The following ECH1 variants were observed in gnomAD, a reference collection of about 807,000 sequenced individuals.
ECH1 encodes delta(3,5)-Delta(2,4)-dienoyl-CoA isomerase, mitochondrial.
In ECH1, 30 loss-of-function variants were observed where a neutral mutation model predicts 37.0. The ratio of observed to expected loss-of-function variants is 0.81; its 90% CI spans 0.61 to 1.10. ECH1 has a LOEUF of 1.10. Ranked by LOEUF, ECH1 falls within the 50% of genes least tolerant of loss-of-function variation. The probability of loss-of-function intolerance (pLI) is 0.00; values close to 1 mark genes in which losing one functional copy is unlikely to be tolerated. For synonymous variants in ECH1, 178 were observed against 176.0 expected (o/e 1.01, Z -0.09); for missense variants, 456 against 441.6 (o/e 1.03, Z -0.29).
intron 3 of ECH1, among the ~76,000 whole-genome samples, chr19:38,821,699 C>T (rs996413864): frequency 9.9e-5 from 15 of 152,226 alleles, no homozygotes; most frequent in Non-Finnish European, 1.9e-4. Context: ...TGGTGCTGCA[C>T]TCGAATACTT....
chr19:38,831,187 G>A, intron 2 of ECH1, 21 bp from the exon 3 acceptor site: 1 of 1,613,548 alleles, frequency 6.2e-7, no homozygotes, highest in Non-Finnish European at 8.5e-7. Context: ...ACGAGTGAAG[G>A]GTTACAAATG....
intron 3 of ECH1, among the ~76,000 whole-genome samples, chr19:38,825,503 T>C (rs926527842): frequency 6.6e-6 from 1 of 152,186 alleles, no homozygotes. Context: ...GCCGCAGATA[T>C]CAGGAGAAAG....
At chr19:38,822,532 T>C (rs1279701827) in intron 3 of ECH1, among the ~76,000 whole-genome samples, 2 of 151,138 alleles carry the variant, frequency 1.3e-5, no homozygotes, top group African/African-American at 4.9e-5. Context: ...AGCTAAGGGA[T>C]TGTAAATACA....
At chr19:38,821,921 G>C (rs1036030846) in intron 3 of ECH1, among the ~76,000 whole-genome samples, 14 of 152,256 alleles carry the variant, frequency 9.2e-5, no homozygotes, top group Admixed American at 7.8e-4. Context: ...GGTGAAGCCA[G>C]CTGAGCTCCT....
chr19:38,817,273 C>T (rs1164541785), intron 5 of ECH1, 43 bp downstream of exon 5: 1 of 1,530,214 alleles, frequency 6.5e-7, no homozygotes, highest in East Asian at 2.4e-5. Flanking sequence ...AGCAGCAGCC[C>T]CACCTGGGGA....
chr19:38,817,293 CAGG>C lies in ECH1; in HGVS notation c.523+20_523+22del, dbSNP rs1176161087. 6 of 1,537,524 alleles carry C rather than the reference CAGG, an allele frequency of 3.9e-6. No individual in the cohort carries two copies. The highest frequency in any genetic ancestry group is 5.3e-6 in the Non-Finnish European group (6 of 1,137,804). On this transcript the variant is annotated intron_variant, in intron 5 of 9. Transcript: ENST00000221418. ...CAGCCCCACCTGGGGAGCACCCGAG[CAGG>C]AGGATAGCCGCAGACTCACCTCCGC...
intron 3 of ECH1, 112 bp from the exon 4 acceptor site, chr19:38,817,687 G>C: frequency 1.4e-6 from 2 of 1,421,286 alleles, no homozygotes; most frequent in Non-Finnish European, 9.2e-7. Flanking sequence ...CACCAAGGCG[G>C]AAAAAAAACA....
chr19:38,826,041 C>A (rs1971734553), intron 3 of ECH1, among the ~76,000 whole-genome samples: 2 of 152,212 alleles, frequency 1.3e-5, no homozygotes, highest in South Asian at 4.1e-4. Flanking sequence ...GACGACTGTC[C>A]TCAAGGTCTG....
chr19:38,827,812 A>G (rs1971760608), intron 3 of ECH1, among the ~76,000 whole-genome samples: 1 of 152,084 alleles, frequency 6.6e-6, no homozygotes, highest in Admixed American at 6.6e-5. Context: ...GAGTGTGGTC[A>G]TTCATCACAC....
chr19:38,817,313 C>A lies in ECH1; in HGVS notation c.523+3G>T. On this transcript the variant is annotated splice_donor_region_variant and intron_variant, in intron 5 of 9. Coordinates refer to ENST00000221418, the MANE Select transcript of ECH1 (RefSeq NM_001398.3). ...CCGAGCAGGAGGATAGCCGCAGACT[C>A]ACCTCCGCCAATGCAGCCCCCATGG... 6.4e-7 allele frequency: 1 copy of A among 1,552,714 alleles called. No homozygotes were observed.
At chr19:38,825,460 T>C (rs140802455) in intron 3 of ECH1, among the ~76,000 whole-genome samples, 2,685 of 152,296 alleles carry the variant, frequency 0.018, 34 homozygotes, top group Non-Finnish European at 0.027. Context: ...CAAGGGTCAA[T>C]TGATTCTAAA....
At chr19:38,819,270 AC>A in intron 3 of ECH1, 1 of 970,584 alleles carries the variant, frequency 1.0e-6, no homozygotes, top group African/African-American at 1.8e-5. Flanking sequence ...GGAGCCAAGG[AC>A]CTTTGGGCTG....
At chr19:38,821,503 G>A (rs1376076018) in intron 3 of ECH1, among the ~76,000 whole-genome samples, 2 of 152,162 alleles carry the variant, frequency 1.3e-5, no homozygotes, top group African/African-American at 4.8e-5. Context: ...GGAGGGAGAG[G>A]CGCGGGCGGG....
At chr19:38,824,239 G>C (rs891525867) in intron 3 of ECH1, among the ~76,000 whole-genome samples, 7 of 152,180 alleles carry the variant, frequency 4.6e-5, no homozygotes, top group African/African-American at 1.7e-4. Flanking sequence ...AACTCTAACA[G>C]GTTTTCAAGA....
intron 3 of ECH1, among the ~76,000 whole-genome samples, chr19:38,827,242 G>C (rs1235059555): frequency 6.6e-6 from 1 of 152,176 alleles, no homozygotes; most frequent in Non-Finnish European, 1.5e-5. Flanking sequence ...ATGACAACAG[G>C]GCCTGGGACT....
chr19:38,816,587 G>A (rs1452121664), intron 6 of ECH1, 64 bp from the exon 7 acceptor site: 17 of 1,576,004 alleles, frequency 1.1e-5, no homozygotes, highest in Admixed American at 1.7e-5. Flanking sequence ...CAATGTCAAC[G>A]TCCATGAAAT....
rs1064972 is a variant in ECH1 at position 38,815,927 on chromosome 19, G to A, written c.812C>T (p.Ala271Val). 5 of 1,614,160 alleles carry A rather than the reference G, an allele frequency of 3.1e-6. No individual in the cohort carries two copies. In the South Asian group the frequency reaches 3.3e-5, roughly 11 times the overall value. ...AAEISSKSPV[A>V]VQSTKVNLLY... is the part of the protein sequence containing the mutation. ...CAGGTTGACCTTGGTGCTCTGCACC[G>A]CCACGGGGCTCTTGCTGGAAATCTC... The change falls in exon 9 of 10, where the codon GCG (alanine) becomes GTG (valine). Residue 271 changes from alanine to valine, a missense_variant. Physicochemically the swap from Ala to Val is moderately conservative, Grantham distance 64. Transcript: ENST00000221418.
Position 38,825,715 on chromosome 19 carries a change from C to T in ECH1, c.349+5363G>A, listed in dbSNP as rs192327405. 2.7e-3 allele frequency among the ~76,000 whole-genome samples: 416 copies of T among 152,276 alleles called. 5 individuals carry two copies. The highest frequency in any genetic ancestry group is 9.4e-3 in the African/African-American group (392 of 41,546). ...GGACAGATAGTAGAGGCCAATCACC[C>T]GGTAGGGCTTGTTATCATGCGGTTT... On this transcript the variant is annotated intron_variant, in intron 3 of 9. Transcript: ENST00000221418.
Position 38,815,698 on chromosome 19 carries a change from A to AT in ECH1, c.901dup (p.Met301AsnfsTer16). 1 of 1,614,200 alleles carries AT rather than the reference A, an allele frequency of 6.2e-7. No individual in the cohort carries two copies. Among genetic ancestry groups the AT allele is most frequent in the Non-Finnish European group, 8.5e-7 (1 of 1,180,044 alleles). On this transcript the variant is annotated frameshift_variant, in exon 10 of 10. Coordinates refer to ENST00000221418, the MANE Select transcript of ECH1 (RefSeq NM_001398.3). LOFTEE classifies it high-confidence loss of function. ...CTTCACGAGGTCTTGGGTCTGCAGC[A>AT]TGCTCATGTTCCAGGACGCCTGGTA...
Sources: allele counts gnomAD v4.1 joint callset (sites outside exome capture counted in the v4.1 genomes callset), GRCh38; gene constraint gnomAD v4.1.1; transcripts MANE v1.5; gene names NCBI Gene and HGNC (gene_info 2026-07-23, HGNC 2026-07-21).